The following POLA1 variants were observed in gnomAD, a reference collection of about 807,000 sequenced individuals.
The protein encoded by POLA1 is DNA polymerase alpha 1, catalytic subunit, also known as DNA polymerase alpha catalytic subunit.
Under a neutral mutation model 124.0 loss-of-function variants are expected in POLA1, and 15 were observed. That is an observed-to-expected ratio of 0.12 (90% confidence interval 0.08 to 0.19). The LOEUF (loss-of-function observed/expected upper bound fraction) is 0.19, where lower values mean the gene tolerates loss of function less well. POLA1 is among the 10% of genes least tolerant of loss of function. POLA1 has a pLI of 1.00. For synonymous variants in POLA1, 408 were observed against 389.4 expected (o/e 1.05, Z -0.56); for missense variants, 886 against 1,103.4 (o/e 0.80, Z 2.79).
chrX:24,770,486 G>A (rs1393935778), intron 26 of POLA1, among the ~76,000 whole-genome samples: 1 of 111,673 alleles, frequency 9.0e-6, no homozygotes, highest in Non-Finnish European at 1.9e-5. Flanking sequence ...GTCTTTACAG[G>A]GTGAAGCCCA....
At chrX:24,854,672 T>C (rs2046618120) in intron 34 of POLA1, among the ~76,000 whole-genome samples, 1 of 110,054 alleles carries the variant, frequency 9.1e-6, no homozygotes. Flanking sequence ...CTACTAAAAA[T>C]ATAAAAATTA....
chrX:24,718,456 A>G (rs886864676), intron 10 of POLA1, among the ~76,000 whole-genome samples: 1 of 111,458 alleles, frequency 9.0e-6, no homozygotes, highest in Non-Finnish European at 1.9e-5. Context: ...TAGAGAGAGG[A>G]AGGAGGAGGC....
chrX:24,816,472 A>G (rs1394648820), intron 30 of POLA1, among the ~76,000 whole-genome samples: 3 of 112,285 alleles, frequency 2.7e-5, no homozygotes, highest in Non-Finnish European at 3.8e-5. Flanking sequence ...TTGTTTATAC[A>G]TTAGAAGGGG....
intron 36 of POLA1, among the ~76,000 whole-genome samples, chrX:24,957,449 A>G (rs1447041986): frequency 9.0e-6 from 1 of 110,953 alleles, no homozygotes; most frequent in African/African-American, 3.3e-5. Flanking sequence ...CATAAGACCC[A>G]GCAATTCCAT....
chrX:24,908,480 C>T (rs756886155), intron 35 of POLA1, among the ~76,000 whole-genome samples: 7 of 101,679 alleles, frequency 6.9e-5, no homozygotes, highest in African/African-American at 7.3e-5. Context: ...TGAGAACATG[C>T]GGTGTTTGGT....
intron 36 of POLA1, among the ~76,000 whole-genome samples, chrX:24,947,361 A>G (rs923642271): frequency 2.2e-5 from 2 of 92,789 alleles, no homozygotes; most frequent in African/African-American, 4.0e-5. Context: ...TTGACTCCCC[A>G]GGTTCAGGTG....
At chrX:24,967,376 T>G (rs1040545242) in intron 36 of POLA1, among the ~76,000 whole-genome samples, 2 of 110,841 alleles carry the variant, frequency 1.8e-5, no homozygotes, top group African/African-American at 6.6e-5. Context: ...GGCTGTAGTA[T>G]TAAGAAATTG....
At chrX:24,958,544 G>A (rs774299349) in intron 36 of POLA1, among the ~76,000 whole-genome samples, 3 of 112,287 alleles carry the variant, frequency 2.7e-5, no homozygotes, top group Admixed American at 9.4e-5. Flanking sequence ...AAAATTGTAC[G>A]TCCTTTGTAT....
At chrX:24,935,522 C>T (rs1321873026) in intron 36 of POLA1, among the ~76,000 whole-genome samples, 2 of 113,040 alleles carry the variant, frequency 1.8e-5, no homozygotes, top group Non-Finnish European at 3.7e-5. Context: ...CTATGGGCAG[C>T]CTTGAGTGCC....
chrX:24,851,247 G>A (rs1180437026), intron 34 of POLA1, among the ~76,000 whole-genome samples: 1 of 112,397 alleles, frequency 8.9e-6, no homozygotes, highest in Non-Finnish European at 1.9e-5. Flanking sequence ...TGCCTAACGT[G>A]ATAGGTGCTC....
At position 24,715,215 on chromosome X, in the gene POLA1, TC is replaced by T; in HGVS notation, c.525+14del. ...ATCTTAACACTGAGGTAAATGAATC[TC>T]CAGGAGTTGTAAAATATGCAGAGGA... On this transcript the variant is annotated intron_variant, in intron 6 of 36. Transcript: ENST00000379068. 1.9e-6 allele frequency: 2 copies of T among 1,062,308 alleles called. No individual in the cohort carries two copies. Among genetic ancestry groups the T allele is most frequent in the Non-Finnish European group, 2.6e-6 (2 of 759,811 alleles). 87.5% of individuals were successfully genotyped at this position (1,062,308 alleles called of 1,213,427 possible).
chrX:24,736,581 A>G (rs1165085078), intron 18 of POLA1, among the ~76,000 whole-genome samples: 2 of 112,214 alleles, frequency 1.8e-5, no homozygotes. Flanking sequence ...TCTAGGTATT[A>G]TAATTTGTAA....
chrX:24,841,955 A>T (rs2046416692), intron 33 of POLA1, 125 bp downstream of exon 33: 7 of 453,699 alleles, frequency 1.5e-5, no homozygotes, highest in Non-Finnish European at 2.2e-5. Flanking sequence ...GTGTTTAAAG[A>T]ATTTTAGCAT....
At chrX:24,921,515 C>T (rs906861394) in intron 35 of POLA1, among the ~76,000 whole-genome samples, 7 of 112,198 alleles carry the variant, frequency 6.2e-5, no homozygotes, top group Non-Finnish European at 1.3e-4. Context: ...GTATTTTTCT[C>T]TTGTCCCCTG....
At chrX:24,762,630 T>G (rs894042578) in intron 26 of POLA1, among the ~76,000 whole-genome samples, 7 of 110,434 alleles carry the variant, frequency 6.3e-5, no homozygotes, top group Non-Finnish European at 1.1e-4. Context: ...GTAGCTGAAG[T>G]ATAGAAAGGA....
intron 10 of POLA1, among the ~76,000 whole-genome samples, 180 bp from the exon 11 acceptor site, chrX:24,722,975 T>C (rs1005328863): frequency 4.4e-5 from 5 of 112,588 alleles, no homozygotes; most frequent in Non-Finnish European, 7.5e-5. Context: ...TAGTGTAGTA[T>C]GGCATCAGTA....
chrX:24,988,732 C>T (rs990217293), intron 36 of POLA1, among the ~76,000 whole-genome samples: 6 of 111,825 alleles, frequency 5.4e-5, no homozygotes, highest in Non-Finnish European at 9.4e-5. Flanking sequence ...TTTGGGAGGC[C>T]GAGGTGGCAG....
chrX:24,982,778 A>T (rs1350219307), intron 36 of POLA1, among the ~76,000 whole-genome samples: 1 of 110,007 alleles, frequency 9.1e-6, no homozygotes, highest in African/African-American at 3.3e-5. Flanking sequence ...TTGTGAATGA[A>T]AGGGACTCCT....
chrX:24,916,331 G>GAGTGC (rs1230172904), intron 35 of POLA1, among the ~76,000 whole-genome samples: 27 of 102,586 alleles, frequency 2.6e-4, no homozygotes, highest in African/African-American at 9.5e-4. Flanking sequence ...GCTCAGGCTA[G>GAGTGC]AGTGCAGTGG....
Sources: gnomAD v4.1 joint callset for allele counts (sites outside exome capture counted in the v4.1 genomes callset) on GRCh38, gnomAD v4.1.1 for gene constraint, MANE v1.5 for transcripts, NCBI Gene and HGNC (gene_info 2026-07-23, HGNC 2026-07-21) for gene names.